The following RPSA2 variants were observed in gnomAD, a reference collection of about 807,000 sequenced individuals.
The protein encoded by RPSA2 is ribosomal protein SA 2.
chr19:23,841,308 CA>C, the RPSA2 span, among the ~76,000 whole-genome samples: 1 of 151,744 alleles, frequency 6.6e-6, no homozygotes, highest in African/African-American at 2.4e-5. Context: ...ACTAAAATTA[CA>C]AAAAATCAGC....
chr19:23,804,196 C>G, the RPSA2 span, among the ~76,000 whole-genome samples: 59 of 151,990 alleles, frequency 3.9e-4, no homozygotes, highest in Admixed American at 2.5e-3. Context: ...TAATATGATA[C>G]TTTAAGATAA....
the RPSA2 span, among the ~76,000 whole-genome samples, chr19:23,839,225 T>A: frequency 6.6e-6 from 1 of 152,242 alleles, no homozygotes; most frequent in Non-Finnish European, 1.5e-5. Context: ...TTATTTAATT[T>A]CCATGTATTT....
the RPSA2 span, among the ~76,000 whole-genome samples, chr19:23,796,718 T>C: frequency 6.6e-4 from 100 of 152,170 alleles, 1 homozygote; most frequent in African/African-American, 2.4e-3. Context: ...TTTTTTTAGA[T>C]TTTCTTGTTT....
At chr19:23,785,434 C>T in the RPSA2 span, among the ~76,000 whole-genome samples, 1 of 152,038 alleles carries the variant, frequency 6.6e-6, no homozygotes, top group East Asian at 1.9e-4. Context: ...ATGTGACTCT[C>T]CATTTTTGCC....
the RPSA2 span, among the ~76,000 whole-genome samples, chr19:23,815,341 A>G: frequency 6.6e-6 from 1 of 152,134 alleles, no homozygotes; most frequent in Non-Finnish European, 1.5e-5. Context: ...GTTGGATGTG[A>G]GACCTGGTGG....
chr19:23,856,211 A>T, the RPSA2 span, among the ~76,000 whole-genome samples: 1 of 152,190 alleles, frequency 6.6e-6, no homozygotes, highest in African/African-American at 2.4e-5. Context: ...TGTCATTAGG[A>T]TGGCACTTAC....
At chr19:23,845,354 A>G in the RPSA2 span, among the ~76,000 whole-genome samples, 1 of 150,574 alleles carries the variant, frequency 6.6e-6, no homozygotes. Context: ...TCAGGTCCTT[A>G]ACATGTAAGC....
At chr19:23,806,735 A>G in the RPSA2 span, among the ~76,000 whole-genome samples, 2 of 149,396 alleles carry the variant, frequency 1.3e-5, no homozygotes, top group African/African-American at 4.9e-5. Flanking sequence ...CAGTGAGCCA[A>G]GATCGCACCA....
chr19:23,767,626 TG>T, the RPSA2 span, among the ~76,000 whole-genome samples: 1 of 152,000 alleles, frequency 6.6e-6, no homozygotes, highest in Non-Finnish European at 1.5e-5. Context: ...ATAGGCAGGA[TG>T]GGGATGACAG....
chr19:23,768,999 G>A, the RPSA2 span, among the ~76,000 whole-genome samples: 2 of 152,084 alleles, frequency 1.3e-5, no homozygotes, highest in Non-Finnish European at 2.9e-5. Context: ...CTCTTCAGCC[G>A]GGCCTTGCCC....
the RPSA2 span, chr19:23,763,059 G>T: frequency 6.5e-6 from 1 of 153,510 alleles, no homozygotes; most frequent in South Asian, 1.9e-4. Flanking sequence ...AGCCCCTGGT[G>T]ACTCTGTTAC....
the RPSA2 span, among the ~76,000 whole-genome samples, chr19:23,808,361 C>T: frequency 6.8e-6 from 1 of 147,138 alleles, no homozygotes; most frequent in African/African-American, 2.5e-5. Context: ...CTTCCGCCTC[C>T]CAGGTTCAAG....
the RPSA2 span, among the ~76,000 whole-genome samples, chr19:23,854,066 T>A: frequency 6.6e-6 from 1 of 152,202 alleles, no homozygotes; most frequent in Non-Finnish European, 1.5e-5. Flanking sequence ...GCCCCGTGTC[T>A]TATCTCCTTT....
At chr19:23,835,747 C>T in the RPSA2 span, among the ~76,000 whole-genome samples, 5 of 152,002 alleles carry the variant, frequency 3.3e-5, no homozygotes, top group Admixed American at 2.6e-4. Flanking sequence ...AGCAGTTCTG[C>T]CTCAGCCTCC....
the RPSA2 span, among the ~76,000 whole-genome samples, chr19:23,853,858 A>G: frequency 6.6e-6 from 1 of 152,190 alleles, no homozygotes; most frequent in Non-Finnish European, 1.5e-5. Context: ...CTTTTCCAAC[A>G]CCTACTAGTC....
At chr19:23,843,256 G>T in the RPSA2 span, 1 of 231,634 alleles carries the variant, frequency 4.3e-6, no homozygotes, top group South Asian at 5.7e-5. Flanking sequence ...AGAGACATGA[G>T]ACAGTGGTCA....
the RPSA2 span, among the ~76,000 whole-genome samples, chr19:23,834,104 CCACT>C: frequency 6.6e-6 from 1 of 151,822 alleles, no homozygotes; most frequent in Non-Finnish European, 1.5e-5. Flanking sequence ...ATATCTAGGG[CCACT>C]CAATGTTTAG....
the RPSA2 span, among the ~76,000 whole-genome samples, chr19:23,801,614 A>G: frequency 3.9e-5 from 6 of 152,324 alleles, no homozygotes; most frequent in Admixed American, 2.6e-4. Context: ...ACTTTCAACT[A>G]TATATTGATC....
the RPSA2 span, among the ~76,000 whole-genome samples, chr19:23,859,534 G>A: frequency 2.6e-5 from 4 of 152,106 alleles, no homozygotes; most frequent in Admixed American, 1.3e-4. Flanking sequence ...TGCTTAGTTA[G>A]GAGAATCACT....
Sources: gnomAD v4.1 joint callset for allele counts (sites outside exome capture counted in the v4.1 genomes callset) on GRCh38, gnomAD v4.1.1 for gene constraint, MANE v1.5 for transcripts, NCBI Gene and HGNC (gene_info 2026-07-23, HGNC 2026-07-21) for gene names.